The following PRMT3 variants were observed in gnomAD, a reference collection of about 807,000 sequenced individuals.
The protein encoded by PRMT3 is protein arginine methyltransferase 3.
Under a neutral mutation model 71.9 loss-of-function variants are expected in PRMT3, and 62 were observed. The ratio of observed to expected loss-of-function variants is 0.86; its 90% CI spans 0.70 to 1.07. PRMT3 has a LOEUF of 1.07. PRMT3 is among the 50% of genes least tolerant of loss of function. PRMT3 has a pLI of 0.00. For missense variants in PRMT3, 663 were observed against 643.0 expected, an observed-to-expected ratio of 1.03 and a Z score of -0.34; for synonymous variants, 213 against 220.4, an observed-to-expected ratio of 0.97 and a Z score of 0.30.
chr11:20,409,894 C>T (rs1247613607), intron 9 of PRMT3, among the ~76,000 whole-genome samples: 3 of 151,948 alleles, frequency 2.0e-5, no homozygotes, highest in Non-Finnish European at 4.4e-5. Context: ...TAGAAGAATT[C>T]TCAAAATTTT....
chr11:20,470,737 A>G (rs1850623587), intron 13 of PRMT3, among the ~76,000 whole-genome samples: 3 of 152,182 alleles, frequency 2.0e-5, no homozygotes, highest in Admixed American at 6.6e-5. Context: ...AATTATTTAT[A>G]TTACACTGGA....
Position 20,508,356 on chromosome 11 carries a change from T to A in PRMT3, c.1539T>A (p.Arg513=), listed in dbSNP as rs1851645717. The change falls in exon 16 of 16, where the codon CGT becomes CGA. Residue 513 remains arginine (R), a synonymous_variant. Coordinates refer to ENST00000331079, the MANE Select transcript of PRMT3 (RefSeq NM_005788.4). ...VTVHKNKKDP[R]SLTVTLTLNN... ...TTCACAAGAATAAGAAAGATCCACGTTCTCTCACCGTGACCCTCACGTTGA... is the reference window on the plus strand; with the variant it reads ...TTCACAAGAATAAGAAAGATCCACGATCTCTCACCGTGACCCTCACGTTGA... The A allele has an allele frequency of 6.2e-7, 1 of 1,612,690 alleles. No individual in the cohort carries two copies.
At chr11:20,475,452 C>G (rs750711957) in intron 13 of PRMT3, among the ~76,000 whole-genome samples, 1 of 152,144 alleles carries the variant, frequency 6.6e-6, no homozygotes, top group African/African-American at 2.4e-5. Flanking sequence ...GTGCTGCAGA[C>G]TGCAGCTGCT....
Position 20,464,543 on chromosome 11 carries a change from C to T in PRMT3, c.1344C>T (p.Cys448=), listed in dbSNP as rs757648321. 3.7e-6 allele frequency: 6 copies of T among 1,610,196 alleles called. No homozygotes were observed. The African/African-American group carries it at 5.4e-5, about 14-fold the overall frequency. The change falls in exon 13 of 16, where the codon TGC becomes TGT. Residue 448 remains cysteine (C), a synonymous_variant. Transcript: ENST00000331079. ...TGAAAATCACAAGGACATCCATGTGCACGGTAAGCTATTTCATTCTGCTTT... is the reference window on the plus strand; with the variant it reads ...TGAAAATCACAAGGACATCCATGTGTACGGTAAGCTATTTCATTCTGCTTT... The part of the protein sequence containing the change: ...FTLKITRTSM[C]TAIAGYFDIY...
intron 10 of PRMT3, among the ~76,000 whole-genome samples, chr11:20,437,321 A>C (rs1358417168): frequency 6.6e-6 from 1 of 152,014 alleles, no homozygotes; most frequent in Non-Finnish European, 1.5e-5. Flanking sequence ...TAGTTGTTTG[A>C]GATGCATCAT....
intron 9 of PRMT3, among the ~76,000 whole-genome samples, chr11:20,413,638 T>G (rs1380520581): frequency 6.6e-6 from 1 of 152,134 alleles, no homozygotes; most frequent in Non-Finnish European, 1.5e-5. Context: ...GTTTGGGTGG[T>G]TATGTTTCTA....
intron 13 of PRMT3, among the ~76,000 whole-genome samples, chr11:20,484,492 G>A (rs1851023896): frequency 6.6e-6 from 1 of 152,092 alleles, no homozygotes; most frequent in Admixed American, 6.5e-5. Flanking sequence ...AATCATGGGG[G>A]CAGGCCTTTC....
chr11:20,404,110 A>G (rs1849010067), intron 8 of PRMT3, among the ~76,000 whole-genome samples: 1 of 151,514 alleles, frequency 6.6e-6, no homozygotes, highest in African/African-American at 2.4e-5. Flanking sequence ...CCCACCAGAG[A>G]CAAATAAATG....
chr11:20,471,567 C>T (rs1024821621), intron 13 of PRMT3, among the ~76,000 whole-genome samples: 5 of 152,076 alleles, frequency 3.3e-5, no homozygotes, highest in Admixed American at 3.3e-4. Context: ...TTCCATTGGT[C>T]TATGTGTCTG....
chr11:20,477,555 CA>C (rs148599172), intron 13 of PRMT3, among the ~76,000 whole-genome samples: 1 of 148,698 alleles, frequency 6.7e-6, no homozygotes, highest in African/African-American at 2.5e-5. Context: ...GATTCCGTCT[CA>C]AAAAAAAAAG....
chr11:20,412,257 A>G (rs946482740), intron 9 of PRMT3, among the ~76,000 whole-genome samples: 1 of 152,130 alleles, frequency 6.6e-6, no homozygotes, highest in Non-Finnish European at 1.5e-5. Flanking sequence ...AAGATTCATT[A>G]TAGACATTAT....
At chr11:20,483,933 C>T (rs1851008923) in intron 13 of PRMT3, among the ~76,000 whole-genome samples, 1 of 152,190 alleles carries the variant, frequency 6.6e-6, no homozygotes, top group Non-Finnish European at 1.5e-5. Context: ...GAAGTTGTTG[C>T]ATCTGATAGC....
intron 12 of PRMT3, among the ~76,000 whole-genome samples, chr11:20,462,461 G>A (rs1026106045): frequency 6.6e-6 from 1 of 152,052 alleles, no homozygotes; most frequent in African/African-American, 2.4e-5. Flanking sequence ...AAAAAGTCCT[G>A]CTGTATTATC....
intron 10 of PRMT3, among the ~76,000 whole-genome samples, chr11:20,441,862 G>A (rs1485011850): frequency 1.4e-5 from 2 of 139,284 alleles, no homozygotes; most frequent in Admixed American, 8.2e-5. Context: ...GCGTGATCTC[G>A]TCTCACTGTA....
chr11:20,431,782 T>C (rs1291216792), intron 10 of PRMT3, among the ~76,000 whole-genome samples: 1 of 152,116 alleles, frequency 6.6e-6, no homozygotes, highest in African/African-American at 2.4e-5. Flanking sequence ...AAATGTACTT[T>C]ATGTATATTT....
intron 13 of PRMT3, among the ~76,000 whole-genome samples, chr11:20,473,610 G>GTGTT (rs1850704900): frequency 1.3e-5 from 2 of 152,138 alleles, no homozygotes; most frequent in African/African-American, 4.8e-5. Context: ...TTGCTGAGGA[G>GTGTT]TGTTTTACTT....
chr11:20,487,645 G>T (rs1384231434), intron 13 of PRMT3, among the ~76,000 whole-genome samples: 4 of 152,252 alleles, frequency 2.6e-5, no homozygotes, highest in East Asian at 3.9e-4. Context: ...GTACACTTAT[G>T]TGCACTTTTC....
chr11:20,430,647 A>C (rs1173781335), intron 10 of PRMT3, among the ~76,000 whole-genome samples: 1 of 152,110 alleles, frequency 6.6e-6, no homozygotes, highest in Non-Finnish European at 1.5e-5. Flanking sequence ...GTTTTGATTT[A>C]CACAGTGAGA....
At chr11:20,495,876 A>G (rs1851320301) in intron 15 of PRMT3, among the ~76,000 whole-genome samples, 2 of 152,246 alleles carry the variant, frequency 1.3e-5, no homozygotes, top group Non-Finnish European at 2.9e-5. Context: ...AACTGAAACC[A>G]TGAGATGCTG....
Sources: allele counts gnomAD v4.1 joint callset (sites outside exome capture counted in the v4.1 genomes callset), GRCh38; gene constraint gnomAD v4.1.1; transcripts MANE v1.5; gene names NCBI Gene and HGNC (gene_info 2026-07-23, HGNC 2026-07-21).